OBP2B: variants seen among roughly 807,000 people sequenced by gnomAD.
OBP2B encodes odorant-binding protein 2b.
OBP2B carries 10 observed loss-of-function variants against 21.7 expected under a neutral mutation model. The observed-to-expected ratio is 0.46, with a 90% CI of 0.28 to 0.78. The LOEUF is 0.78. OBP2B is among the 30% of genes least tolerant of loss of function. OBP2B has a pLI of 0.11. For synonymous variants in OBP2B, 73 were observed against 91.5 expected, an observed-to-expected ratio of 0.80 and a Z score of 1.16; for missense variants, 153 against 217.7, an observed-to-expected ratio of 0.70 and a Z score of 1.87.
At chr9:133,218,640 C>T in the OBP2B span, among the ~76,000 whole-genome samples, 30 of 152,252 alleles carry the variant, frequency 2.0e-4, no homozygotes, top group Middle Eastern at 3.4e-3. Flanking sequence ...ACACAGACAG[C>T]GCAGGCTGTG....
intron 6 of OBP2B, 118 bp from the exon 7 acceptor site, chr9:133,205,529 G>A (rs1190321338): frequency 1.0e-5 from 7 of 703,198 alleles, no homozygotes; most frequent in Admixed American, 6.0e-5. Flanking sequence ...GCAACCTCGG[G>A]GCTCCAGAGC....
chr9:133,205,985 C>A (rs2119385399), intron 5 of OBP2B, 45 bp from the exon 6 acceptor site: 1 of 1,613,814 alleles, frequency 6.2e-7, no homozygotes, highest in Non-Finnish European at 8.5e-7. Flanking sequence ...GCGCCCTAGA[C>A]CAGGGCCCAG....
chr9:133,214,035 G>A (rs1162704362), upstream of OBP2B, among the ~76,000 whole-genome samples: 1 of 152,084 alleles, frequency 6.6e-6, no homozygotes. Context: ...ATGACCAAAA[G>A]CAGTTTATTC....
chr9:133,218,289 C>T, the OBP2B span, among the ~76,000 whole-genome samples: 6 of 152,142 alleles, frequency 3.9e-5, no homozygotes, highest in African/African-American at 7.2e-5. Context: ...GGGAGACCGG[C>T]CACACATGAG....
chr9:133,208,840 G>T (rs1367598471), intron 1 of OBP2B, among the ~76,000 whole-genome samples: 2 of 151,952 alleles, frequency 1.3e-5, no homozygotes, highest in Non-Finnish European at 2.9e-5. Flanking sequence ...GGACCCCCGG[G>T]CCCCAGCACC....
Position 133,205,408 on chromosome 9 carries a change from G to T in OBP2B, c.*5C>A. ...GGGCTCTGGAGGTGCAGACCCGGGG[G>T]CTGCTGTGCTGGGAAGAGGAGCAGA... On this transcript the variant is annotated 3_prime_UTR_variant, in exon 7 of 7. Transcript: ENST00000372034. 1.4e-6 allele frequency: 2 copies of T among 1,381,766 alleles called. No homozygotes were observed. Among genetic ancestry groups the T allele is most frequent in the Non-Finnish European group, 2.0e-6 (2 of 1,004,404 alleles). 85.6% of individuals were successfully genotyped at this position (1,381,766 alleles called of 1,614,324 possible). A position where few individuals can be genotyped will look rare whatever the true frequency, so the allele number is the denominator to read the frequency against.
chr9:133,221,487 G>T, the OBP2B span, among the ~76,000 whole-genome samples: 1 of 152,216 alleles, frequency 6.6e-6, no homozygotes, highest in African/African-American at 2.4e-5. Flanking sequence ...TGCTGTGGTT[G>T]CTCATTGGGA....
upstream of OBP2B, among the ~76,000 whole-genome samples, chr9:133,211,257 A>G (rs1833913354): frequency 6.6e-6 from 1 of 152,238 alleles, no homozygotes; most frequent in African/African-American, 2.4e-5. Context: ...TGCAAGACCA[A>G]CTGCACAGTA....
In OBP2B at chr9:133,206,469, CAG is replaced by C. The variant is rs1564284946; in HGVS notation, c.389-55_389-54del. 110 of 1,606,316 alleles carry C rather than the reference CAG, an allele frequency of 6.8e-5. No individual in the cohort carries two copies. In the African/African-American group the frequency reaches 1.4e-3, roughly 21 times the overall value. On this transcript the variant is annotated intron_variant, in intron 4 of 6. Transcript: ENST00000372034. ...ACGTGGGGACAGCGGCACGGCCCTG[CAG>C]GGAGCAGATGCCGAAAGGAGACGAC...
chr9:133,219,780 C>T, the OBP2B span, among the ~76,000 whole-genome samples: 1 of 152,170 alleles, frequency 6.6e-6, no homozygotes, highest in African/African-American at 2.4e-5. Context: ...CAGGTATACA[C>T]CCAGGAGAAA....
rs1052517 is a variant in OBP2B, at chr9:133,205,359, A to G, written c.*54T>C. On this transcript the variant is annotated 3_prime_UTR_variant, in exon 7 of 7. Transcript: ENST00000372034. ...GCTGGAGGGTAGGTCCAGGTGGTCCAGGCTCTGTGTCTGGTGGTAGGGTGG... is the reference window on the plus strand; with the variant it reads ...GCTGGAGGGTAGGTCCAGGTGGTCCGGGCTCTGTGTCTGGTGGTAGGGTGG... The G allele has an allele frequency of 0.81, 1,224,168 of 1,507,118 alleles. 502,522 individuals are homozygous for G. The highest frequency in any genetic ancestry group is 0.84 in the Non-Finnish European group (931,930 of 1,112,064). The allele number at this position is 1,507,118 out of a possible 1,614,324, so 93.4% of individuals were successfully genotyped here.
At chr9:133,208,681 T>C (rs1833829404) in intron 1 of OBP2B, 79 bp from the exon 2 acceptor site, 1 of 1,529,720 alleles carries the variant, frequency 6.5e-7, no homozygotes. Flanking sequence ...CCTGCAGCTA[T>C]AACCAGACAC....
At chr9:133,211,208 G>A (rs1385361941), upstream of OBP2B, among the ~76,000 whole-genome samples, 1 of 152,186 alleles carries the variant, frequency 6.6e-6, no homozygotes, top group Non-Finnish European at 1.5e-5. Context: ...ACGCCAAGAA[G>A]GAGCAGAGTG....
In OBP2B at chr9:133,208,692, C is replaced by A; in HGVS notation, c.73-90G>T. ...CAGGCCTGCAGCTATAACCAGACAC[C>A]CATGGTGCCCGGCTGCTGCCCTTAA... On this transcript the variant is annotated intron_variant, in intron 1 of 6. Transcript: ENST00000372034. 2.6e-6 allele frequency: 4 copies of A among 1,525,024 alleles called. No homozygotes were observed. The South Asian group carries it at 3.8e-5, about 14-fold the overall frequency. The allele number at this position is 1,525,024 out of a possible 1,614,324, so 94.5% of individuals were successfully genotyped here.
intron 6 of OBP2B, chr9:133,205,632 C>G: frequency 1.6e-6 from 1 of 606,424 alleles, no homozygotes. Context: ...GTGCAGGGGG[C>G]GATGGGCTGA....
the OBP2B span, among the ~76,000 whole-genome samples, chr9:133,222,609 T>A: frequency 1.3e-5 from 2 of 152,024 alleles, no homozygotes; most frequent in East Asian, 3.9e-4. Flanking sequence ...GTGCCTGTAA[T>A]CCCAGCTACT....
At chr9:133,218,021 C>T in the OBP2B span, among the ~76,000 whole-genome samples, 4 of 152,182 alleles carry the variant, frequency 2.6e-5, no homozygotes, top group Non-Finnish European at 5.9e-5. Context: ...GTGATCAGTG[C>T]TATGGAAAAA....
intron 3 of OBP2B, 87 bp from the exon 4 acceptor site, chr9:133,207,423 C>T: frequency 2.1e-6 from 2 of 934,446 alleles, no homozygotes; most frequent in Admixed American, 2.1e-5. Flanking sequence ...CAGCGGTCAC[C>T]CAGGTGCCCT....
At chr9:133,217,955 T>C in the OBP2B span, among the ~76,000 whole-genome samples, 15 of 152,364 alleles carry the variant, frequency 9.8e-5, no homozygotes, top group East Asian at 2.7e-3. Context: ...CAATCCCTGT[T>C]CAATCTATTG....
Sources: gnomAD v4.1 joint callset for allele counts (sites outside exome capture counted in the v4.1 genomes callset) on GRCh38, gnomAD v4.1.1 for gene constraint, MANE v1.5 for transcripts, NCBI Gene and HGNC (gene_info 2026-07-23, HGNC 2026-07-21) for gene names.